CTNNA3: variants seen among roughly 807,000 people sequenced by gnomAD.
CTNNA3 encodes the protein catenin alpha-3.
A neutral mutation model predicts 95.7 loss-of-function variants in CTNNA3; 76 were observed. The observed-to-expected ratio is 0.79, with a 90% CI of 0.66 to 0.96. The LOEUF (loss-of-function observed/expected upper bound fraction) is 0.96, where lower values mean the gene tolerates loss of function less well. CTNNA3 is among the 40% of genes least tolerant of loss of function. The pLI is 0.00. For synonymous variants in CTNNA3, 431 were observed against 374.4 expected (o/e 1.15, Z -1.74); for missense variants, 1,191 against 1,089.8 (o/e 1.09, Z -1.31).
At chr10:67,544,695 G>A (rs73268131) in intron 3 of CTNNA3, among the ~76,000 whole-genome samples, 27 of 152,224 alleles carry the variant, frequency 1.8e-4, no homozygotes, top group African/African-American at 6.3e-4. Context: ...CACTCACACA[G>A]GACTGGGAAT....
intron 3 of CTNNA3, among the ~76,000 whole-genome samples, chr10:67,562,244 A>C (rs1001677212): frequency 6.6e-6 from 1 of 152,182 alleles, no homozygotes; most frequent in Non-Finnish European, 1.5e-5. Flanking sequence ...TCCTCAGTAA[A>C]ATACTGGCAA....
intron 3 of CTNNA3, among the ~76,000 whole-genome samples, chr10:67,582,408 A>G (rs11527386): frequency 0.15 from 20,191 of 133,068 alleles, 1,424 homozygotes; most frequent in East Asian, 0.5. Context: ...GTTTGATTGC[A>G]CTGTGGTCTG....
intron 7 of CTNNA3, among the ~76,000 whole-genome samples, chr10:66,992,865 G>A (rs1851116127): frequency 6.6e-6 from 1 of 151,984 alleles, no homozygotes; most frequent in Admixed American, 6.6e-5. Context: ...TATGAGTGAG[G>A]ACTGCTTTGA....
intron 7 of CTNNA3, among the ~76,000 whole-genome samples, chr10:66,950,574 G>A (rs1241879831): frequency 1.3e-5 from 2 of 151,712 alleles, no homozygotes; most frequent in Non-Finnish European, 2.9e-5. Flanking sequence ...ATAAAACATT[G>A]CATTTAATAT....
chr10:67,573,807 T>C (rs1195647843), intron 3 of CTNNA3, among the ~76,000 whole-genome samples: 1 of 151,328 alleles, frequency 6.6e-6, no homozygotes, highest in Non-Finnish European at 1.5e-5. Context: ...TAAAAATATA[T>C]TGTACTATGT....
In CTNNA3 at chr10:66,769,782, AT is replaced by A. The variant is rs1339462060; in HGVS notation, c.1129-3367del. On this transcript the variant is annotated intron_variant, in intron 8 of 17. Coordinates refer to ENST00000433211, the MANE Select transcript of CTNNA3 (RefSeq NM_013266.4). ...CATTAGTCAGACAATTCTGGGAAAC[AT>A]TCTGTTATTCTCAGAGATCCTCAAG... Among the ~76,000 whole-genome samples, 7 of 152,232 alleles carry A rather than the reference AT, an allele frequency of 4.6e-5. No homozygotes were observed. In the East Asian group the frequency reaches 1.2e-3, roughly 25 times the overall value.
chr10:67,098,503 T>A (rs1858148536), intron 7 of CTNNA3: 1 of 152,302 alleles, frequency 6.6e-6, no homozygotes, highest in Non-Finnish European at 1.5e-5. Context: ...TTCTCAGACT[T>A]AACTGTTGCC....
chr10:67,348,894 C>T (rs922061840), intron 5 of CTNNA3, among the ~76,000 whole-genome samples: 1 of 152,046 alleles, frequency 6.6e-6, no homozygotes, highest in African/African-American at 2.4e-5. Context: ...GACTAATAAC[C>T]CAATTTTTTA....
At chr10:67,747,314 TG>T (rs1841379595) in intron 1 of CTNNA3, among the ~76,000 whole-genome samples, 2 of 152,176 alleles carry the variant, frequency 1.3e-5, no homozygotes, top group African/African-American at 4.8e-5. Context: ...CTGGATCCCA[TG>T]CCCCCCAACA....
intron 12 of CTNNA3, among the ~76,000 whole-genome samples, chr10:66,332,560 C>T (rs2132324905): frequency 6.6e-6 from 1 of 152,212 alleles, no homozygotes; most frequent in South Asian, 2.1e-4. Context: ...ACCAGCCTTT[C>T]ATCCCCGGCA....
intron 13 of CTNNA3, among the ~76,000 whole-genome samples, chr10:66,149,162 A>G (rs2084054560): frequency 6.7e-6 from 1 of 148,518 alleles, no homozygotes; most frequent in African/African-American, 2.4e-5. Flanking sequence ...ATATGTATAT[A>G]TAAAGCTAAA....
chr10:67,587,918 T>C (rs2133339231), intron 3 of CTNNA3, among the ~76,000 whole-genome samples: 1 of 152,270 alleles, frequency 6.6e-6, no homozygotes, highest in East Asian at 1.9e-4. Flanking sequence ...TTTTATATAT[T>C]TTTGTCTGAC....
intron 15 of CTNNA3, among the ~76,000 whole-genome samples, chr10:66,042,744 A>G (rs902818636): frequency 6.0e-5 from 9 of 150,612 alleles, no homozygotes; most frequent in African/African-American, 2.0e-4. Flanking sequence ...TAGTAGAAAT[A>G]AAAAAATTAG....
chr10:66,452,080 C>T (rs1452532421), intron 11 of CTNNA3, among the ~76,000 whole-genome samples: 1 of 152,134 alleles, frequency 6.6e-6, no homozygotes, highest in Non-Finnish European at 1.5e-5. Context: ...TTGCTAAGGA[C>T]TTTCACAACT....
intron 5 of CTNNA3, among the ~76,000 whole-genome samples, chr10:67,373,388 A>C (rs1843559321): frequency 6.6e-6 from 1 of 152,250 alleles, no homozygotes; most frequent in Non-Finnish European, 1.5e-5. Context: ...AGGCCATTAC[A>C]TAATTGTAGA....
At chr10:66,657,148 C>T in intron 9 of CTNNA3, among the ~76,000 whole-genome samples, 1 of 152,074 alleles carries the variant, frequency 6.6e-6, no homozygotes, top group Non-Finnish European at 1.5e-5. Context: ...ATGGTCTCTA[C>T]TTGGACCTGA....
intron 7 of CTNNA3, among the ~76,000 whole-genome samples, chr10:67,063,845 T>C (rs1855903981): frequency 6.6e-6 from 1 of 152,138 alleles, no homozygotes; most frequent in East Asian, 1.9e-4. Context: ...GGTAGAAAAT[T>C]CTAAAAGGAT....
intron 7 of CTNNA3, among the ~76,000 whole-genome samples, chr10:66,806,556 A>G (rs990013127): frequency 6.6e-6 from 1 of 152,032 alleles, no homozygotes; most frequent in Non-Finnish European, 1.5e-5. Flanking sequence ...ATAAGGAACG[A>G]AAGTGGGTGA....
At chr10:67,424,179 G>A (rs1845836901) in intron 5 of CTNNA3, among the ~76,000 whole-genome samples, 1 of 152,102 alleles carries the variant, frequency 6.6e-6, no homozygotes. Flanking sequence ...AACAGATAAA[G>A]GGGTCCCTGC....
Sources: allele counts gnomAD v4.1 joint callset (sites outside exome capture counted in the v4.1 genomes callset), GRCh38; gene constraint gnomAD v4.1.1; transcripts MANE v1.5; gene names NCBI Gene and HGNC (gene_info 2026-07-23, HGNC 2026-07-21).